Variants in CNKSR3 observed in about 807,000 individuals in gnomAD.
The protein encoded by CNKSR3 is connector enhancer of kinase suppressor of ras 3.
In CNKSR3, 36 loss-of-function variants were observed where a neutral mutation model predicts 67.7. The ratio of observed to expected loss-of-function variants is 0.53; its 90% CI spans 0.41 to 0.70. CNKSR3 has a LOEUF of 0.70. CNKSR3 is among the 30% of genes least tolerant of loss of function. The pLI is 0.00. For missense variants in CNKSR3, 630 were observed against 695.2 expected (o/e 0.91, Z 1.05); for synonymous variants, 281 against 271.4 (o/e 1.04, Z -0.35).
intron 1 of CNKSR3, among the ~76,000 whole-genome samples, chr6:154,489,770 T>A (rs1169085591): frequency 6.6e-6 from 1 of 152,108 alleles, no homozygotes; most frequent in African/African-American, 2.4e-5. Flanking sequence ...TTCCAACCAA[T>A]GCTATGCTTT....
intron 9 of CNKSR3, among the ~76,000 whole-genome samples, chr6:154,417,067 T>C (rs1785038217): frequency 6.6e-6 from 1 of 151,918 alleles, no homozygotes; most frequent in South Asian, 2.1e-4. Flanking sequence ...ACCATGTGAG[T>C]TTTCCTCTAT....
chr6:154,414,648 G>A, intron 9 of CNKSR3: 1 of 612,296 alleles, frequency 1.6e-6, no homozygotes, highest in Non-Finnish European at 3.1e-6. Flanking sequence ...AAGAAGCAGA[G>A]GCTTAGGAGC....
In CNKSR3 at chr6:154,510,561, C is replaced by T. The variant is rs1787196075; in HGVS notation, c.-447G>A. ...GTCCCCGCTCCGCGTGCGCTGGCGT[C>T]CCGGAGCCTTCCCGGCGCAGGTCCC... On this transcript the variant is annotated 5_prime_UTR_variant, in exon 1 of 13. Transcript: ENST00000607772. The T allele has an allele frequency of 5.4e-6, 1 of 185,344 alleles. No individual in the cohort carries two copies. The highest frequency in any genetic ancestry group is 6.4e-5 in the Admixed American group (1 of 15,690). 11.5% of individuals were successfully genotyped at this position (185,344 alleles called of 1,614,324 possible). A position where few individuals can be genotyped will look rare whatever the true frequency, so the allele number is the denominator to read the frequency against.
intron 1 of CNKSR3, 91 bp downstream of exon 1, chr6:154,509,972 G>C (rs1787181148): frequency 2.1e-6 from 3 of 1,421,230 alleles, no homozygotes; most frequent in Non-Finnish European, 3.0e-6. Context: ...GCTTCTCGCC[G>C]GGAGGAAGGG....
At chr6:154,425,054 G>A (rs1252578800) in intron 7 of CNKSR3, among the ~76,000 whole-genome samples, 2 of 152,156 alleles carry the variant, frequency 1.3e-5, no homozygotes, top group Non-Finnish European at 2.9e-5. Context: ...TTACAGGCGT[G>A]AGCCACCGCA....
intron 1 of CNKSR3, among the ~76,000 whole-genome samples, chr6:154,499,498 G>A (rs1465013322): frequency 6.6e-5 from 10 of 152,214 alleles, no homozygotes; most frequent in Admixed American, 6.5e-4. Flanking sequence ...GAAGAAGTGA[G>A]TTCAAGAACA....
Position 154,396,797 on chromosome 6 carries a change from T to G in CNKSR3, c.*9557A>C, listed in dbSNP as rs1237470041. ...AGCATCAGCAAAAATTCACTAATTG[T>G]TTTCTTTTTTTTTTTTTTTTGAGAC... On this transcript the variant is annotated 3_prime_UTR_variant, in exon 13 of 13. Coordinates refer to ENST00000607772, the MANE Select transcript of CNKSR3 (RefSeq NM_173515.4). The G allele has an allele frequency of 6.8e-6, 1 of 146,386 alleles. No individual in the cohort carries two copies. The highest frequency in any genetic ancestry group is 1.5e-5 in the Non-Finnish European group (1 of 66,496). 9.1% of individuals were successfully genotyped at this position (146,386 alleles called of 1,614,324 possible).
chr6:154,474,423 A>AT (rs1455400058), intron 1 of CNKSR3, among the ~76,000 whole-genome samples: 2 of 131,550 alleles, frequency 1.5e-5, no homozygotes, highest in Non-Finnish European at 3.2e-5. Context: ...AAAAAAAAAA[A>AT]AGTGGGGGGG....
chr6:154,453,939 A>G (rs1047318450), intron 1 of CNKSR3, among the ~76,000 whole-genome samples: 2 of 152,160 alleles, frequency 1.3e-5, no homozygotes, highest in African/African-American at 4.8e-5. Context: ...ATTTATACAA[A>G]TTAAACACAT....
chr6:154,413,041 C>A (rs1358832719), intron 10 of CNKSR3, among the ~76,000 whole-genome samples: 1 of 151,862 alleles, frequency 6.6e-6, no homozygotes, highest in Non-Finnish European at 1.5e-5. Context: ...CTAGATCACA[C>A]CTAAATCATC....
At chr6:154,485,943 G>C (rs1044778363) in intron 1 of CNKSR3, among the ~76,000 whole-genome samples, 7 of 152,206 alleles carry the variant, frequency 4.6e-5, no homozygotes, top group Non-Finnish European at 1.0e-4. Flanking sequence ...CTTCCATCTG[G>C]GGCTGTTCTG....
At chr6:154,477,589 G>T (rs1582892060) in intron 1 of CNKSR3, among the ~76,000 whole-genome samples, 2 of 152,156 alleles carry the variant, frequency 1.3e-5, no homozygotes, top group South Asian at 4.2e-4. Context: ...CCAAAGTGCT[G>T]GGATTACAGA....
intron 4 of CNKSR3, among the ~76,000 whole-genome samples, chr6:154,436,051 T>C (rs1440768255): frequency 1.3e-5 from 2 of 152,204 alleles, no homozygotes; most frequent in Non-Finnish European, 2.9e-5. Context: ...ATGGCATGTG[T>C]CAAGCGTGGA....
At chr6:154,508,320 C>CT (rs140375995) in intron 1 of CNKSR3, among the ~76,000 whole-genome samples, 2,280 of 152,118 alleles carry the variant, frequency 0.015, 74 homozygotes, top group African/African-American at 0.052. Context: ...ATTTCATGTT[C>CT]TTTTTTTTCA....
At chr6:154,421,077 G>A (rs976990043) in intron 9 of CNKSR3, among the ~76,000 whole-genome samples, 1 of 152,166 alleles carries the variant, frequency 6.6e-6, no homozygotes, top group African/African-American at 2.4e-5. Flanking sequence ...GTAGTGCCGC[G>A]ATCTCAGCTC....
At position 154,486,979 on chromosome 6, in the gene CNKSR3, T is replaced by C. The variant is rs976742389; in HGVS notation, c.52+23084A>G. Reference sequence around the variant, plus strand: ...AGCCACTGTGCCCAGCCTTCTCCTCTTTTTTTGCGGGGGCAGGTGGTGAGG... The same window carrying C: ...AGCCACTGTGCCCAGCCTTCTCCTCCTTTTTTGCGGGGGCAGGTGGTGAGG... On this transcript the variant is annotated intron_variant, in intron 1 of 12. Transcript: ENST00000607772. Among the ~76,000 whole-genome samples the C allele has an allele frequency of 7.9e-5, 12 of 152,028 alleles. 1 individual carries two copies. The highest frequency in any genetic ancestry group is 6.6e-5 in the Admixed American group (1 of 15,266).
intron 9 of CNKSR3, among the ~76,000 whole-genome samples, chr6:154,415,097 C>CAAAAAAAAAA (rs1157415390): frequency 1.2e-4 from 4 of 33,240 alleles, no homozygotes; most frequent in African/African-American, 3.1e-4. Context: ...GACTCTGTCT[C>CAAAAAAAAAA]AAAAAAAAAA....
intron 10 of CNKSR3, among the ~76,000 whole-genome samples, chr6:154,411,630 T>C (rs1784913161): frequency 1.3e-5 from 1 of 75,736 alleles, no homozygotes; most frequent in East Asian, 5.1e-4. Flanking sequence ...CGAGACTCCA[T>C]CTCAAAAAAA....
intron 4 of CNKSR3, among the ~76,000 whole-genome samples, chr6:154,436,758 C>T (rs1363485484): frequency 6.6e-6 from 1 of 152,194 alleles, no homozygotes; most frequent in African/African-American, 2.4e-5. Flanking sequence ...GAGGAGACTA[C>T]ACTGGAAATA....
Sources: allele counts gnomAD v4.1 joint callset (sites outside exome capture counted in the v4.1 genomes callset), GRCh38; gene constraint gnomAD v4.1.1; transcripts MANE v1.5; gene names NCBI Gene and HGNC (gene_info 2026-07-23, HGNC 2026-07-21).